The following MYO1F variants were observed in gnomAD, a reference collection of about 807,000 sequenced individuals.
The protein encoded by MYO1F is myosin IF.
Under a neutral mutation model 146.6 loss-of-function variants are expected in MYO1F, and 60 were observed. That is an observed-to-expected ratio of 0.41 (90% CI 0.33 to 0.51). The LOEUF is 0.51. Ranked by LOEUF, MYO1F falls within the 20% of genes least tolerant of loss-of-function variation. The probability of loss-of-function intolerance (pLI) is 0.25; values close to 1 mark genes in which losing one functional copy is unlikely to be tolerated. For missense variants in MYO1F, 1,274 were observed against 1,534.3 expected (o/e 0.83, Z 2.83); for synonymous variants, 602 against 602.1 (o/e 1.00, Z 0.00).
Position 8,539,981 on chromosome 19 carries a change from T to A in MYO1F, c.1658A>T (p.Lys553Met). The change falls in exon 16 of 28, where the codon AAG (lysine) becomes ATG (methionine). Residue 553 changes from lysine (K) to methionine (M), a missense_variant. Lys to Met is a moderately conservative substitution (Grantham distance 95, BLOSUM62 -1). Coordinates refer to ENST00000644032, the MANE Select transcript of MYO1F (RefSeq NM_012335.4). ...LFPEKLDGDK[K>M]GRPSTAGSKI... ...GGAGCCGGCGGTGCTGGGGCGCCCC[T>A]TCTTGTCTCCATCCAGCTTCTCGGG... 2 of 1,612,182 alleles carry A rather than the reference T, an allele frequency of 1.2e-6. No individual in the cohort carries two copies. The highest frequency in any genetic ancestry group is 1.7e-6 in the Non-Finnish European group (2 of 1,179,016).
At chr19:8,551,160 TC>T (rs1438861022) in intron 8 of MYO1F, among the ~76,000 whole-genome samples, 1 of 151,818 alleles carries the variant, frequency 6.6e-6, no homozygotes, top group African/African-American at 2.4e-5. Flanking sequence ...TAAGCGATTC[TC>T]CTGCCTCAGC....
At chr19:8,546,230 A>G (rs1973351442) in intron 12 of MYO1F, among the ~76,000 whole-genome samples, 1 of 151,040 alleles carries the variant, frequency 6.6e-6, no homozygotes, top group Non-Finnish European at 1.5e-5. Context: ...ACGCCGGACT[A>G]ATTTTGTATT....
intron 1 of MYO1F, among the ~76,000 whole-genome samples, chr19:8,563,067 C>CT (rs1268929283): frequency 6.6e-5 from 10 of 152,012 alleles, no homozygotes; most frequent in Non-Finnish European, 7.4e-5. Flanking sequence ...TCGCAGCTCA[C>CT]TGTAACCTCT....
intron 23 of MYO1F, 79 bp from the exon 24 acceptor site, chr19:8,526,680 C>T: frequency 6.5e-7 from 1 of 1,538,870 alleles, no homozygotes. Flanking sequence ...GGGGCAGGGG[C>T]GGGGCCGCGG....
intron 1 of MYO1F, among the ~76,000 whole-genome samples, chr19:8,563,068 T>C (rs1366025049): frequency 6.6e-6 from 1 of 151,972 alleles, no homozygotes; most frequent in African/African-American, 2.4e-5. Context: ...CGCAGCTCAC[T>C]GTAACCTCTG....
intron 4 of MYO1F, 129 bp downstream of exon 4, chr19:8,554,348 G>A: frequency 2.5e-6 from 2 of 811,564 alleles, no homozygotes; most frequent in East Asian, 2.4e-5. Context: ...AAATAAAACA[G>A]AGTGAGGGCA....
rs1972273988 is a variant in MYO1F at position 8,526,506 on chromosome 19, A to C, written c.2717T>G (p.Val906Gly). The C allele has an allele frequency of 2.5e-6, 4 of 1,580,200 alleles. No individual in the cohort carries two copies. The highest frequency in any genetic ancestry group is 3.4e-6 in the Non-Finnish European group (4 of 1,164,468). The change falls in exon 24 of 28, where the codon GTT (valine) becomes GGT (glycine). Residue 906 changes from valine to glycine, a missense_variant. By Grantham distance (109) the Val-to-Gly change is moderately radical (BLOSUM62 -3). Around this residue, in one of 2 missense-constraint regions of MYO1F, gnomAD observed 374 missense variants for 379.2 expected, o/e 0.99. Coordinates refer to ENST00000644032, the MANE Select transcript of MYO1F (RefSeq NM_012335.4). The part of the protein sequence containing the change: ...RGFGDLAVLK[V>G]GGRTLTVSVG... The stretch of plus-strand genomic sequence containing the variant: ...GCTGACCGTGAGGGTCCGACCGCCA[A>C]CCTTGAGCACTGCCAAGTCGCCGAA...
At chr19:8,539,920 G>A in intron 16 of MYO1F, 27 bp downstream of exon 16, 1 of 1,606,112 alleles carries the variant, frequency 6.2e-7, no homozygotes, top group Non-Finnish European at 8.5e-7. Context: ...TGCAGGCCCA[G>A]CTCCCCGTTG....
intron 1 of MYO1F, among the ~76,000 whole-genome samples, chr19:8,574,804 G>A (rs1257466074): frequency 1.4e-5 from 2 of 145,040 alleles, no homozygotes; most frequent in Non-Finnish European, 3.0e-5. Context: ...GGCCCAGGCT[G>A]GAGTGCAGTG....
chr19:8,544,026 G>GTGGCGGTGGCGGTGC (rs1568350272), intron 14 of MYO1F: 6 of 542,580 alleles, frequency 1.1e-5, no homozygotes, highest in Admixed American at 3.2e-5. Context: ...GGCGGTGGCG[G>GTGGCGGTGGCGGTGC]TGGCGGTGGC....
chr19:8,562,156 A>ATTTTTTTTTTTTTTTTTTTTT (rs1490847496), intron 1 of MYO1F, among the ~76,000 whole-genome samples: 1 of 142,818 alleles, frequency 7.0e-6, no homozygotes. Flanking sequence ...TGCCCGGCTA[A>ATTTTTTTTTTTTTTTTTTTTT]TTTTTTCTTT....
At chr19:8,548,635 C>G (rs1973475414) in intron 10 of MYO1F, among the ~76,000 whole-genome samples, 1 of 148,520 alleles carries the variant, frequency 6.7e-6, no homozygotes, top group Admixed American at 6.7e-5. Context: ...GAGTCTCACT[C>G]TGTCGCCCAG....
intron 1 of MYO1F, among the ~76,000 whole-genome samples, chr19:8,575,574 C>T (rs781889710): frequency 6.6e-6 from 1 of 152,028 alleles, no homozygotes; most frequent in African/African-American, 2.4e-5. Flanking sequence ...GACCATGGCC[C>T]GATAGCAGTC....
intron 10 of MYO1F, chr19:8,549,762 C>T (rs1973524338): frequency 3.8e-6 from 1 of 260,706 alleles, no homozygotes; most frequent in African/African-American, 2.3e-5. Context: ...ACCTCAGCCT[C>T]CCAAAGTGCT....
intron 1 of MYO1F, among the ~76,000 whole-genome samples, chr19:8,561,514 TTC>T (rs753190470): frequency 5.7e-5 from 8 of 140,818 alleles, no homozygotes; most frequent in East Asian, 2.1e-4. Flanking sequence ...TCTCTCATTC[TTC>T]TCTCTTTCTC....
chr19:8,549,351 A>G (rs2145909718), intron 10 of MYO1F, among the ~76,000 whole-genome samples: 1 of 151,892 alleles, frequency 6.6e-6, no homozygotes, highest in Non-Finnish European at 1.5e-5. Context: ...GGCTCACTAC[A>G]GCCTCAACCT....
intron 2 of MYO1F, 101 bp from the exon 3 acceptor site, chr19:8,554,844 G>A: frequency 1.8e-6 from 2 of 1,089,892 alleles, no homozygotes; most frequent in Non-Finnish European, 1.4e-6. Flanking sequence ...CCATTGCTTG[G>A]AGGTGGAAGA....
intron 1 of MYO1F, among the ~76,000 whole-genome samples, chr19:8,561,357 C>T (rs1489916970): frequency 1.8e-5 from 2 of 113,904 alleles, no homozygotes; most frequent in Non-Finnish European, 3.9e-5. Flanking sequence ...GAATTCCCTC[C>T]CTCCCTCCCT....
At chr19:8,560,506 A>G (rs539005191) in intron 1 of MYO1F, among the ~76,000 whole-genome samples, 316 of 150,762 alleles carry the variant, frequency 2.1e-3, no homozygotes, top group African/African-American at 7.2e-3. Context: ...AAAAAAAAAA[A>G]GAACAGGTTC....
Sources: allele counts gnomAD v4.1 joint callset (sites outside exome capture counted in the v4.1 genomes callset), GRCh38; gene constraint gnomAD v4.1.1; regional missense constraint gnomAD v4.1.1; transcripts MANE v1.5; gene names NCBI Gene and HGNC (gene_info 2026-07-23, HGNC 2026-07-21).